Variants in ZNF718 observed in about 807,000 individuals in gnomAD.
ZNF718 encodes zinc finger protein 718.
In ZNF718, 3 loss-of-function variants were observed where a neutral mutation model predicts 2.6. The ratio of observed to expected loss-of-function variants is 1.16; its 90% CI spans 0.53 to 3.01. The LOEUF (loss-of-function observed/expected upper bound fraction) is 3.01. Among genes scored for constraint, ZNF718 ranks in the 30% most tolerant of loss-of-function variants. The probability of loss-of-function intolerance (pLI) is 0.03; values close to 1 mark genes in which losing one functional copy is unlikely to be tolerated. For missense variants in ZNF718, 468 were observed against 230.0 expected (o/e 2.03, Z -6.69); for synonymous variants, 135 against 77.9 (o/e 1.73, Z -3.86).
At chr4:178,908 A>AT (rs1717401148) in intron 3 of ZNF718, among the ~76,000 whole-genome samples, 3 of 152,112 alleles carry the variant, frequency 2.0e-5, no homozygotes, top group African/African-American at 7.2e-5. Context: ...ATATAGTACC[A>AT]TTTTTTATTC....
At chr4:166,470 T>C (rs1174110784), downstream of ZNF718, among the ~76,000 whole-genome samples, 2 of 152,170 alleles carry the variant, frequency 1.3e-5, no homozygotes, top group East Asian at 3.9e-4. Context: ...CCACCAACAG[T>C]GTAAAAGTGT....
chr4:167,482 G>T (rs914476283), downstream of ZNF718, among the ~76,000 whole-genome samples: 1 of 152,148 alleles, frequency 6.6e-6, no homozygotes, highest in Admixed American at 6.6e-5. Flanking sequence ...CTACCCATGA[G>T]CGTGGAATGT....
At chr4:191,744 T>G (rs1181926711) in intron 3 of ZNF718, among the ~76,000 whole-genome samples, 4 of 152,122 alleles carry the variant, frequency 2.6e-5, no homozygotes, top group Non-Finnish European at 5.9e-5. Context: ...AGAAAAATAT[T>G]AATTTGGTCA....
At chr4:158,505 G>C (rs892293762) in intron 3 of ZNF718, among the ~76,000 whole-genome samples, 1 of 151,126 alleles carries the variant, frequency 6.6e-6, no homozygotes, top group Non-Finnish European at 1.5e-5. Flanking sequence ...CTTGTTTTTT[G>C]AGTATCTCTA....
intron 3 of ZNF718, among the ~76,000 whole-genome samples, chr4:177,750 A>G (rs1173082730): frequency 6.6e-6 from 1 of 152,198 alleles, no homozygotes; most frequent in Non-Finnish European, 1.5e-5. Context: ...CAAAGGACAA[A>G]ACAATGAGAC....
rs1263806003 is a variant in ZNF718 at position 163,154 on chromosome 4, G to A, written c.*1032G>A. 6.6e-6 allele frequency: 1 copy of A among 152,062 alleles called. No homozygotes were observed. Among genetic ancestry groups the A allele is most frequent in the Non-Finnish European group, 1.5e-5 (1 of 68,026 alleles). The allele number at this position is 152,062 out of a possible 1,614,324, so 9.4% of individuals were successfully genotyped here. Reference sequence around the variant, plus strand: ...TGATGAATTGTTGCATCAGAGGTATGAGTGATTCTTTTTAGGTGGGCATCA... The same window carrying A: ...TGATGAATTGTTGCATCAGAGGTATAAGTGATTCTTTTTAGGTGGGCATCA... On this transcript the variant is annotated 3_prime_UTR_variant, in exon 4 of 4. Coordinates refer to ENST00000510175, the MANE Select transcript of ZNF718 (RefSeq NM_001039127.6).
chr4:125,054 A>G (rs1244769125), intron 1 of ZNF718: 1 of 177,528 alleles, frequency 5.6e-6, no homozygotes, highest in Non-Finnish European at 1.2e-5. Context: ...GTGAGCAAAC[A>G]GGACTTATTA....
intron 3 of ZNF718, among the ~76,000 whole-genome samples, chr4:195,725 G>C (rs147114837): frequency 3.3e-5 from 5 of 152,194 alleles, no homozygotes; most frequent in African/African-American, 1.2e-4. Context: ...CCATCCACGG[G>C]TTACTGGGTT....
At chr4:198,648 ACAGGTGGC>A in intron 3 of ZNF718, among the ~76,000 whole-genome samples, 1 of 152,334 alleles carries the variant, frequency 6.6e-6, no homozygotes, top group African/African-American at 2.4e-5. Flanking sequence ...AACTAGGTGG[ACAGGTGGC>A]CATATTATTA....
chr4:196,405 A>G (rs2108818264), intron 3 of ZNF718, among the ~76,000 whole-genome samples: 2 of 152,360 alleles, frequency 1.3e-5, no homozygotes, highest in Middle Eastern at 3.4e-3. Context: ...GACGCAGTGT[A>G]GAGCTTCCTT....
intron 3 of ZNF718, among the ~76,000 whole-genome samples, chr4:139,019 C>G (rs1715697076): frequency 6.6e-6 from 1 of 152,050 alleles, no homozygotes; most frequent in African/African-American, 2.4e-5. Context: ...CTTATGTATT[C>G]TTGTTATTAA....
chr4:124,663 G>A lies in ZNF718; in HGVS notation c.-8G>A. On this transcript the variant is annotated 5_prime_UTR_variant, in exon 1 of 4. Coordinates refer to ENST00000510175, the MANE Select transcript of ZNF718 (RefSeq NM_001039127.6). ...TCTAAGACTCTGGGACACTCCTGAA[G>A]TCGGGAAATGGTGAGTGTGCAGGGC... 1 of 1,609,034 alleles carries A rather than the reference G, an allele frequency of 6.2e-7. No individual in the cohort carries two copies. Among genetic ancestry groups the A allele is most frequent in the Non-Finnish European group, 8.5e-7 (1 of 1,179,766 alleles).
At chr4:176,771 A>G (rs1020739458) in intron 3 of ZNF718, among the ~76,000 whole-genome samples, 1 of 152,180 alleles carries the variant, frequency 6.6e-6, no homozygotes, top group Non-Finnish European at 1.5e-5. Context: ...TACTAGACAC[A>G]TGATTTTGTA....
chr4:150,726 CTT>C (rs1222023066), intron 3 of ZNF718, among the ~76,000 whole-genome samples: 1 of 148,308 alleles, frequency 6.7e-6, no homozygotes, highest in Non-Finnish European at 1.5e-5. Flanking sequence ...GTAGATGTCT[CTT>C]TGACATACTG....
intron 3 of ZNF718, among the ~76,000 whole-genome samples, chr4:182,364 T>G (rs541240839): frequency 2.0e-5 from 3 of 152,214 alleles, no homozygotes; most frequent in African/African-American, 7.2e-5. Flanking sequence ...CATTCTGACT[T>G]GTGTGAGATG....
chr4:154,240 A>G (rs7674591), intron 3 of ZNF718, among the ~76,000 whole-genome samples: 2,498 of 152,226 alleles, frequency 0.016, 78 homozygotes, highest in African/African-American at 0.056. Flanking sequence ...AGATTATCCA[A>G]TCTCAGGTAT....
chr4:191,237 T>G (rs1472525259), intron 3 of ZNF718, among the ~76,000 whole-genome samples: 6 of 146,618 alleles, frequency 4.1e-5, no homozygotes, highest in African/African-American at 1.5e-4. Context: ...CAACCTCCGC[T>G]TCCGGGGTTC....
intron 3 of ZNF718, among the ~76,000 whole-genome samples, chr4:178,909 T>G (rs1480949044): frequency 1.2e-4 from 19 of 152,174 alleles, no homozygotes; most frequent in Admixed American, 1.2e-3. Context: ...TATAGTACCA[T>G]TTTTTATTCT....
rs532316336 is a variant in ZNF718, at chr4:171,598, G to A, written c.227-29483G>A. On this transcript the variant is annotated intron_variant and NMD_transcript_variant, in intron 3 of 4. Coordinates refer to the ZNF718 transcript ENST00000642529. ...CCTTGCAGTTTGATCTCAGACTGCT[G>A]TGCTAGCAGTGAGTGAGGCTCTGTG... 6.6e-5 allele frequency among the ~76,000 whole-genome samples: 10 copies of A among 152,308 alleles called. No individual in the cohort carries two copies. The East Asian group carries it at 1.9e-3, about 29-fold the overall frequency.
Sources: allele counts gnomAD v4.1 joint callset (sites outside exome capture counted in the v4.1 genomes callset), GRCh38; gene constraint gnomAD v4.1.1; transcripts MANE v1.5; gene names NCBI Gene and HGNC (gene_info 2026-07-23, HGNC 2026-07-21).